The following ST3GAL1 variants were observed in gnomAD, a reference collection of about 807,000 sequenced individuals.
ST3GAL1 encodes CMP-N-acetylneuraminate-beta-galactosamide-alpha-2,3-sialyltransferase 1.
A neutral mutation model predicts 34.1 loss-of-function variants in ST3GAL1; 16 were observed. That is an observed-to-expected ratio of 0.47 (90% CI 0.32 to 0.71). The LOEUF is 0.71. ST3GAL1 is among the 30% of genes least tolerant of loss of function. The pLI, the probability that ST3GAL1 is intolerant of heterozygous loss-of-function variation, is 0.04. For synonymous variants in ST3GAL1, 191 were observed against 184.7 expected, an observed-to-expected ratio of 1.03 and a Z score of -0.28; for missense variants, 353 against 447.4, an observed-to-expected ratio of 0.79 and a Z score of 1.90.
chr8:133,565,302 C>T (rs1819360563), intron 1 of ST3GAL1, among the ~76,000 whole-genome samples: 2 of 152,112 alleles, frequency 1.3e-5, no homozygotes, highest in African/African-American at 4.8e-5. Context: ...CTTGGTGCCA[C>T]AGAGTTGCAG....
chr8:133,510,090 G>C (rs924189989), intron 2 of ST3GAL1, among the ~76,000 whole-genome samples: 1 of 149,712 alleles, frequency 6.7e-6, no homozygotes, highest in Admixed American at 6.7e-5. Context: ...TAGCAATGGA[G>C]AATGGCTCTT....
chr8:133,498,898 T>C (rs1458339714), intron 3 of ST3GAL1, among the ~76,000 whole-genome samples: 3 of 152,174 alleles, frequency 2.0e-5, no homozygotes, highest in African/African-American at 7.2e-5. Flanking sequence ...AGCTCCGGGT[T>C]TGTCCCGGCC....
chr8:133,482,705 G>T (rs1432106331), intron 3 of ST3GAL1, among the ~76,000 whole-genome samples: 1 of 152,198 alleles, frequency 6.6e-6, no homozygotes, highest in Non-Finnish European at 1.5e-5. Flanking sequence ...TGGCCGGCTG[G>T]CTTCATGTAT....
Position 133,466,003 on chromosome 8 carries a change from G to A in ST3GAL1, c.394C>T (p.Leu132=). 6.2e-7 allele frequency: 1 copy of A among 1,614,206 alleles called. No individual in the cohort carries two copies. Among genetic ancestry groups the A allele is most frequent in the Non-Finnish European group, 8.5e-7 (1 of 1,180,034 alleles). ...CGGCAGCCCACCGACCTCTTCTCCA[G>A]CATAGGGTCCACATTCCCAGGCACC... is the stretch of plus-strand genomic sequence containing the variant. ...RVVPGNVDPM[L]EKRSVGCRRC... is the part of the protein sequence containing the mutation. The change falls in exon 6 of 10, where the codon CTG becomes TTG. Residue 132 remains leucine (L), a synonymous_variant. Transcript: ENST00000522652. The surrounding 1 kb of genome is among the most constrained non-coding windows in gnomAD (Gnocchi z 4.4).
At chr8:133,511,119 A>G (rs1817488505) in intron 2 of ST3GAL1, among the ~76,000 whole-genome samples, 1 of 152,214 alleles carries the variant, frequency 6.6e-6, no homozygotes, top group Admixed American at 6.5e-5. Flanking sequence ...CTTGTGATAC[A>G]CTTGCACATT....
At position 133,534,350 on chromosome 8, in the gene ST3GAL1, T is replaced by C. The variant is rs146358499; in HGVS notation, c.-429+11424A>G. On this transcript the variant is annotated intron_variant, in intron 2 of 9. Coordinates refer to ENST00000522652, the MANE Select transcript of ST3GAL1 (RefSeq NM_173344.3). Reference sequence around the variant, plus strand: ...ATTGGACATATATTATATAATATTATATGTTATAATATATATATGGACATA... The same window carrying C: ...ATTGGACATATATTATATAATATTACATGTTATAATATATATATGGACATA... Among the ~76,000 whole-genome samples the C allele has an allele frequency of 3.8e-3, 581 of 151,060 alleles. 2 individuals carry two copies. The highest frequency in any genetic ancestry group is 0.013 in the African/African-American group (557 of 41,296).
Position 133,466,349 on chromosome 8 carries a change from C to T in ST3GAL1, c.307-259G>A, listed in dbSNP as rs1253774661. 6.6e-6 allele frequency among the ~76,000 whole-genome samples: 1 copy of T among 152,208 alleles called. No homozygotes were observed. The highest frequency in any genetic ancestry group is 2.4e-5 in the African/African-American group (1 of 41,440). On this transcript the variant is annotated intron_variant, in intron 5 of 9. Coordinates refer to ENST00000522652, the MANE Select transcript of ST3GAL1 (RefSeq NM_173344.3). This position sits in a 1 kb window ranked among gnomAD's most constrained non-coding sequence, Gnocchi z 4.4. The stretch of plus-strand genomic sequence containing the variant: ...CTGAGCACCTACCATGTGCCAGGCA[C>T]TGCTGAAGCCGCTTGGGTGATCCAG...
chr8:133,547,624 T>C (rs1163180322), intron 1 of ST3GAL1, among the ~76,000 whole-genome samples: 1 of 152,148 alleles, frequency 6.6e-6, no homozygotes, highest in Non-Finnish European at 1.5e-5. Context: ...AGCCCCCAGA[T>C]GTGTGGATGG....
At chr8:133,540,842 C>CATATATATAGAGAA (rs1818461597) in intron 2 of ST3GAL1, among the ~76,000 whole-genome samples, 2 of 78,590 alleles carry the variant, frequency 2.5e-5, no homozygotes, top group African/African-American at 4.8e-5. Context: ...TATAGAGAGA[C>CATATATATAGAGAA]ATATATATAG....
At chr8:133,565,156 T>TGTGTGC (rs1308942529) in intron 1 of ST3GAL1, among the ~76,000 whole-genome samples, 1 of 142,024 alleles carries the variant, frequency 7.0e-6, no homozygotes, top group African/African-American at 2.7e-5. Context: ...TGTGCCTGTG[T>TGTGTGC]GTGTGTGTGT....
At chr8:133,494,113 A>C (rs1816869744) in intron 3 of ST3GAL1, among the ~76,000 whole-genome samples, 1 of 152,208 alleles carries the variant, frequency 6.6e-6, no homozygotes, top group South Asian at 2.1e-4. Flanking sequence ...TATTAGGAAG[A>C]ATTTGCTGTT....
intron 3 of ST3GAL1, among the ~76,000 whole-genome samples, chr8:133,476,822 G>T (rs979416227): frequency 6.6e-6 from 1 of 152,210 alleles, no homozygotes; most frequent in African/African-American, 2.4e-5. Flanking sequence ...GATGCAGAAG[G>T]TGTCCCCTCC....
chr8:133,494,035 G>A (rs1816867674), intron 3 of ST3GAL1, among the ~76,000 whole-genome samples: 1 of 152,130 alleles, frequency 6.6e-6, no homozygotes, highest in South Asian at 2.1e-4. Context: ...ATGCACTAGA[G>A]CTACAAAGCA....
chr8:133,505,667 A>G (rs1352072236), intron 2 of ST3GAL1, among the ~76,000 whole-genome samples: 2 of 151,610 alleles, frequency 1.3e-5, no homozygotes, highest in African/African-American at 4.9e-5. Flanking sequence ...CGGTGGTGCA[A>G]TCTTGGCTCA....
rs561119281 is a variant in ST3GAL1 at position 133,459,486 on chromosome 8, T to C, written c.*278A>G. ...CCAAAATGATTTTAGTGTGTGGAGG[T>C]TGAACCTTTCCCAGCGTCTCCCCAG... On this transcript the variant is annotated 3_prime_UTR_variant, in exon 10 of 10. Transcript: ENST00000522652. This position sits in a 1 kb window ranked among gnomAD's most constrained non-coding sequence, Gnocchi z 4.7. 1.5e-5 allele frequency: 5 copies of C among 322,630 alleles called. No individual in the cohort carries two copies. Among genetic ancestry groups the C allele is most frequent in the South Asian group, 1.0e-4 (1 of 9,960 alleles). 20.0% of individuals were successfully genotyped at this position (322,630 alleles called of 1,614,324 possible).
At position 133,541,120 on chromosome 8, in the gene ST3GAL1, T is replaced by TATATATAGAGAGAG. The variant is rs71299078; in HGVS notation, c.-429+4653_-429+4654insCTCTCTCTATATAT. Among the ~76,000 whole-genome samples the TATATATAGAGAGAG allele has an allele frequency of 1.9e-4, 9 of 48,644 alleles. 1 individual carries two copies. The highest frequency in any genetic ancestry group is 8.9e-4 in the African/African-American group (9 of 10,138). The allele number at this position is 48,644 out of a possible 152,430, so 31.9% of individuals were successfully genotyped here. A position where few individuals can be genotyped will look rare whatever the true frequency, so the allele number is the denominator to read the frequency against. On this transcript the variant is annotated intron_variant, in intron 2 of 9. Coordinates refer to ENST00000522652, the MANE Select transcript of ST3GAL1 (RefSeq NM_173344.3). ...ACATATATATATATATATATATATA[T>TATATATAGAGAGAG]AGAGAGAGAGAGAGAGAGAGAGAGA... is the stretch of plus-strand genomic sequence containing the variant.
rs1438712603 is a variant in ST3GAL1, at chr8:133,571,394, C to T, written c.-582+299G>A. 6.6e-6 allele frequency among the ~76,000 whole-genome samples: 1 copy of T among 152,178 alleles called. No homozygotes were observed. Among genetic ancestry groups the T allele is most frequent in the Non-Finnish European group, 1.5e-5 (1 of 68,030 alleles). On this transcript the variant is annotated intron_variant, in intron 1 of 9. Transcript: ENST00000522652. This position sits in a 1 kb window ranked among gnomAD's most constrained non-coding sequence, Gnocchi z 6.7. ...GAGCTCCAGGCAGCTCCTCCAGTGTCGGCCGAAGACCCCTAAGCCCGAACC... is the reference window on the plus strand; with the variant it reads ...GAGCTCCAGGCAGCTCCTCCAGTGTTGGCCGAAGACCCCTAAGCCCGAACC...
At chr8:133,560,162 G>C (rs1467003320) in intron 1 of ST3GAL1, among the ~76,000 whole-genome samples, 1 of 151,958 alleles carries the variant, frequency 6.6e-6, no homozygotes, top group Non-Finnish European at 1.5e-5. Context: ...TGAGGTGACA[G>C]ATATGCAAAT....
chr8:133,459,470 T>G lies in ST3GAL1; in HGVS notation c.*294A>C. On this transcript the variant is annotated 3_prime_UTR_variant, in exon 10 of 10. Transcript: ENST00000522652. The surrounding 1 kb of genome is among the most constrained non-coding windows in gnomAD (Gnocchi z 4.7). ...AAGCTTGCCCCAGGAGCCAAAATGA[T>G]TTTAGTGTGTGGAGGTTGAACCTTT... is the stretch of plus-strand genomic sequence containing the variant. The G allele has an allele frequency of 3.6e-6, 1 of 277,236 alleles. No individual in the cohort carries two copies. Among genetic ancestry groups the G allele is most frequent in the Non-Finnish European group, 6.7e-6 (1 of 148,886 alleles). 17.2% of individuals were successfully genotyped at this position (277,236 alleles called of 1,614,324 possible).
Sources: allele counts gnomAD v4.1 joint callset (sites outside exome capture counted in the v4.1 genomes callset), GRCh38; gene constraint gnomAD v4.1.1; non-coding constraint Gnocchi (gnomAD v3.1); transcripts MANE v1.5; gene names NCBI Gene and HGNC (gene_info 2026-07-23, HGNC 2026-07-21).